Variants in PTER observed in about 807,000 individuals in gnomAD.
PTER encodes N-acetyltaurine hydrolase.
A neutral mutation model predicts 29.6 loss-of-function variants in PTER; 38 were observed. The observed-to-expected ratio is 1.28, with a 90% CI of 0.99 to 1.68. PTER has a LOEUF of 1.68. PTER is among the 40% of genes most tolerant of loss of function. The pLI is 0.00. For missense variants in PTER, 482 were observed against 427.8 expected (o/e 1.13, Z -1.12); for synonymous variants, 172 against 154.5 (o/e 1.11, Z -0.84).
chr10:16,448,605 C>T (rs1834097157), intron 1 of PTER, among the ~76,000 whole-genome samples: 1 of 152,170 alleles, frequency 6.6e-6, no homozygotes, highest in African/African-American at 2.4e-5. Flanking sequence ...ATTTATTTCC[C>T]ATCCCCTGGC....
intron 1 of PTER, among the ~76,000 whole-genome samples, chr10:16,453,236 C>G (rs1282606769): frequency 1.3e-5 from 2 of 151,984 alleles, no homozygotes; most frequent in East Asian, 3.9e-4. Context: ...TTTTTTTTAA[C>G]ACTTATTTCA....
intron 4 of PTER, among the ~76,000 whole-genome samples, chr10:16,507,164 A>G (rs1836604865): frequency 6.6e-6 from 1 of 150,434 alleles, no homozygotes; most frequent in Admixed American, 6.6e-5. Context: ...TAGCAGGGCA[A>G]ATAAGTGGAC....
At chr10:16,463,049 C>G (rs561820464) in intron 1 of PTER, among the ~76,000 whole-genome samples, 1 of 151,678 alleles carries the variant, frequency 6.6e-6, no homozygotes, top group Non-Finnish European at 1.5e-5. Flanking sequence ...AAAAATTAGT[C>G]GGGCTTGACG....
chr10:16,461,737 T>A (rs1321273858), intron 1 of PTER, among the ~76,000 whole-genome samples: 2 of 152,166 alleles, frequency 1.3e-5, no homozygotes, highest in African/African-American at 4.8e-5. Flanking sequence ...TTCCACAAAC[T>A]CTCAACAAAA....
chr10:16,485,260 A>G (rs949859278), intron 2 of PTER, among the ~76,000 whole-genome samples: 3 of 152,158 alleles, frequency 2.0e-5, no homozygotes, highest in African/African-American at 7.2e-5. Context: ...TGGCAGTCAA[A>G]GACTTGGCAC....
At chr10:16,475,266 A>T (rs1055373195) in intron 1 of PTER, among the ~76,000 whole-genome samples, 9 of 152,102 alleles carry the variant, frequency 5.9e-5, no homozygotes, top group African/African-American at 2.2e-4. Flanking sequence ...GGTTGGTCAG[A>T]TTCTGCCAGT....
At chr10:16,514,875 C>T (rs763634415), downstream of PTER, among the ~76,000 whole-genome samples, 24 of 152,088 alleles carry the variant, frequency 1.6e-4, no homozygotes, top group Admixed American at 4.6e-4. Flanking sequence ...TGGCAGTTTC[C>T]GCTACGTTAG....
intron 1 of PTER, among the ~76,000 whole-genome samples, chr10:16,455,201 T>A (rs939562520): frequency 6.6e-5 from 10 of 151,742 alleles, no homozygotes; most frequent in African/African-American, 2.4e-4. Context: ...TTTACTCCAG[T>A]CTGGATGACA....
chr10:16,480,863 T>C (rs1466576121), intron 1 of PTER, among the ~76,000 whole-genome samples: 1 of 152,260 alleles, frequency 6.6e-6, no homozygotes, highest in African/African-American at 2.4e-5. Flanking sequence ...TTGTAGAAGT[T>C]GATTTATGCA....
chr10:16,439,518 G>A (rs777786398), intron 1 of PTER, among the ~76,000 whole-genome samples: 11 of 152,148 alleles, frequency 7.2e-5, no homozygotes, highest in Non-Finnish European at 1.6e-4. Flanking sequence ...TTTAAGTTGA[G>A]TAAGCAGCCC....
At chr10:16,518,464 G>A (rs1055274132), downstream of PTER, among the ~76,000 whole-genome samples, 1 of 152,156 alleles carries the variant, frequency 6.6e-6, no homozygotes. Flanking sequence ...TGATCCTCAT[G>A]GAATGTGTGT....
chr10:16,493,667 T>G (rs1835987648), intron 3 of PTER, among the ~76,000 whole-genome samples: 1 of 147,768 alleles, frequency 6.8e-6, no homozygotes, highest in East Asian at 2.0e-4. Context: ...GCAGAACGTA[T>G]GGAAGGAAGA....
intron 3 of PTER, among the ~76,000 whole-genome samples, chr10:16,502,472 T>C (rs1221086988): frequency 1.3e-5 from 2 of 152,154 alleles, no homozygotes; most frequent in African/African-American, 2.4e-5. Context: ...ACAGAACTAA[T>C]GTACATTTTA....
At chr10:16,447,532 A>G (rs1208818815) in intron 1 of PTER, among the ~76,000 whole-genome samples, 2 of 152,052 alleles carry the variant, frequency 1.3e-5, no homozygotes, top group African/African-American at 4.8e-5. Flanking sequence ...GTTTACATTC[A>G]TTATTACTAT....
chr10:16,452,158 T>C (rs1427004716), intron 1 of PTER, among the ~76,000 whole-genome samples: 1 of 149,442 alleles, frequency 6.7e-6, no homozygotes, highest in Non-Finnish European at 1.5e-5. Context: ...TAAATGCCCA[T>C]ATATCACCTA....
At position 16,486,455 on chromosome 10, in the gene PTER, G is replaced by A; in HGVS notation, c.536G>A (p.Ser179Asn). 2 of 1,614,094 alleles carry A rather than the reference G, an allele frequency of 1.2e-6. No individual in the cohort carries two copies. Among genetic ancestry groups the A allele is most frequent in the Non-Finnish European group, 1.7e-6 (2 of 1,179,986 alleles). ...EIGCSWPLTESERKVLQATAH... is the reference protein window; with the variant it reads ...EIGCSWPLTENERKVLQATAH... ...GGTTGCTCCTGGCCTTTGACTGAGA[G>A]TGAAAGAAAGGTTCTCCAGGCCACA... Residue 179 changes from serine to asparagine, a missense_variant, in exon 3 of 5, where the codon AGT becomes AAT. Physicochemically the swap from Ser to Asn is conservative, Grantham distance 46. Transcript: ENST00000535784.
In PTER at chr10:16,484,851, A is replaced by G. The variant is rs755219690; in HGVS notation, c.432+35A>G. The G allele has an allele frequency of 1.9e-5, 29 of 1,543,162 alleles. No homozygotes were observed. The Admixed American group carries it at 3.1e-4, about 17-fold the overall frequency. On this transcript the variant is annotated intron_variant, in intron 2 of 4. Coordinates refer to ENST00000535784, the MANE Select transcript of PTER (RefSeq NM_001261836.2). ...CTAAGTTCTTTGACAGTATTTGTTCATAAATTCAGAACAGCCAGAACCTTG... is the reference window on the plus strand; with the variant it reads ...CTAAGTTCTTTGACAGTATTTGTTCGTAAATTCAGAACAGCCAGAACCTTG...
chr10:16,484,641 A>G lies in PTER; in HGVS notation c.257A>G (p.Tyr86Cys). 1 of 1,614,172 alleles carries G rather than the reference A, an allele frequency of 6.2e-7. No individual in the cohort carries two copies. The highest frequency in any genetic ancestry group is 8.5e-7 in the Non-Finnish European group (1 of 1,180,016). The change falls in exon 2 of 5, where the codon TAT becomes TGT. Residue 86 changes from tyrosine to cysteine, a missense_variant. By Grantham distance (194) the Tyr-to-Cys change is radical (BLOSUM62 -2). Transcript: ENST00000535784. ...GAAGCCATAAAGGAAGAACTGTTGTATTTTAAAGCTAATGGTGGAGGGGCT... is the reference window on the plus strand; with the variant it reads ...GAAGCCATAAAGGAAGAACTGTTGTGTTTTAAAGCTAATGGTGGAGGGGCT... ...ETEAIKEELL[Y>C]FKANGGGALV...
At chr10:16,443,040 C>G (rs1168697846) in intron 1 of PTER, among the ~76,000 whole-genome samples, 2 of 152,080 alleles carry the variant, frequency 1.3e-5, no homozygotes, top group East Asian at 3.9e-4. Context: ...ATTTCTGTAG[C>G]TTAGATTAGA....
Sources: allele counts gnomAD v4.1 joint callset (sites outside exome capture counted in the v4.1 genomes callset), GRCh38; gene constraint gnomAD v4.1.1; transcripts MANE v1.5; gene names NCBI Gene and HGNC (gene_info 2026-07-23, HGNC 2026-07-21).